The following NOMO1 variants were observed in gnomAD, a reference collection of about 807,000 sequenced individuals.
The protein encoded by NOMO1 is nodal modulator 3.
A neutral mutation model predicts 133.8 loss-of-function variants in NOMO1; 40 were observed. That is an observed-to-expected ratio of 0.30 (90% CI 0.23 to 0.39). The LOEUF (loss-of-function observed/expected upper bound fraction) is 0.39, where lower values mean the gene tolerates loss of function less well. Ranked by LOEUF, NOMO1 falls within the 10% of genes least tolerant of loss-of-function variation. The probability of loss-of-function intolerance (pLI) is 1.00; values close to 1 mark genes in which losing one functional copy is unlikely to be tolerated. For missense variants in NOMO1, 462 were observed against 1,419.9 expected, an observed-to-expected ratio of 0.33 and a Z score of 10.84; for synonymous variants, 236 against 570.5, an observed-to-expected ratio of 0.41 and a Z score of 8.36.
chr16:14,843,847 TTCAAAAAC>T (rs1233481852), intron 3 of NOMO1, among the ~76,000 whole-genome samples: 5 of 136,732 alleles, frequency 3.7e-5, no homozygotes, highest in African/African-American at 1.4e-4. Flanking sequence ...TTCCTAACCT[TTCAAAAAC>T]TCAACCTTAA....
Position 14,887,000 on chromosome 16 carries a change from G to T in NOMO1, c.3324+138G>T. The T allele has an allele frequency of 1.4e-5, 15 of 1,035,424 alleles. No individual in the cohort carries two copies. In the South Asian group the frequency reaches 2.3e-4, roughly 16 times the overall value. 64.1% of individuals were successfully genotyped at this position (1,035,424 alleles called of 1,614,324 possible). Reference sequence around the variant, plus strand: ...CGCTCTCTGAATCAAAAGAGGTTGGGTTCTGTAGGGATTATTTTTTCTTCA... The same window carrying T: ...CGCTCTCTGAATCAAAAGAGGTTGGTTTCTGTAGGGATTATTTTTTCTTCA... On this transcript the variant is annotated intron_variant, in intron 28 of 30. Transcript: ENST00000287667.
chr16:14,892,764 C>T (rs1964424935), intron 29 of NOMO1, among the ~76,000 whole-genome samples: 1 of 151,212 alleles, frequency 6.6e-6, no homozygotes, highest in Admixed American at 6.6e-5. Flanking sequence ...TGCCATTCCT[C>T]CCATTTTCAC....
chr16:14,878,715 C>T lies in NOMO1; in HGVS notation c.2644-6C>T. Reference sequence around the variant, plus strand: ...CCTTGCTCTGGTCTCACCTTCTCATCCCCAGATAAAAGCTGAGGATGACCA... The same window carrying T: ...CCTTGCTCTGGTCTCACCTTCTCATTCCCAGATAAAAGCTGAGGATGACCA... On this transcript the variant is annotated splice_region_variant and splice_polypyrimidine_tract_variant and intron_variant, in intron 22 of 30. Coordinates refer to ENST00000287667, the MANE Select transcript of NOMO1 (RefSeq NM_014287.4). 1 of 1,610,932 alleles carries T rather than the reference C, an allele frequency of 6.2e-7. No homozygotes were observed. The highest frequency in any genetic ancestry group is 8.5e-7 in the Non-Finnish European group (1 of 1,179,308).
chr16:14,856,906 G>A (rs541385205), intron 9 of NOMO1, among the ~76,000 whole-genome samples: 1 of 152,076 alleles, frequency 6.6e-6, no homozygotes, highest in South Asian at 2.1e-4. Flanking sequence ...ATCTGGAGGG[G>A]AGGAGATGGC....
chr16:14,870,775 GCTCCC>G (rs920008570), intron 16 of NOMO1, among the ~76,000 whole-genome samples: 1 of 146,612 alleles, frequency 6.8e-6, no homozygotes, highest in Admixed American at 6.9e-5. Flanking sequence ...GCTGTCAAAT[GCTCCC>G]CCTCTCTGTG....
chr16:14,859,741 T>A (rs1005649133), intron 11 of NOMO1, among the ~76,000 whole-genome samples: 17 of 152,142 alleles, frequency 1.1e-4, no homozygotes, highest in East Asian at 1.9e-4. Flanking sequence ...AACAAGATTT[T>A]AAAAAAAGAC....
At chr16:14,876,636 T>TG in intron 21 of NOMO1, 28 bp from the exon 22 acceptor site, 1 of 1,610,620 alleles carries the variant, frequency 6.2e-7, no homozygotes, top group Non-Finnish European at 8.5e-7. Flanking sequence ...ACAAAGCCGT[T>TG]GCTAGCATTC....
chr16:14,884,360 TTCTC>T lies in NOMO1; in HGVS notation c.3112-6_3112-3del, dbSNP rs1248713768. On this transcript the variant is annotated splice_polypyrimidine_tract_variant and splice_region_variant and intron_variant, in intron 26 of 30. Coordinates refer to ENST00000287667, the MANE Select transcript of NOMO1 (RefSeq NM_014287.4). Reference sequence around the variant, plus strand: ...CTTTCTCATTACTGGTATTCCCTCTTTCTCTCTCTAGGTTGGGAATAATGACATC... The same window carrying T: ...CTTTCTCATTACTGGTATTCCCTCTTTCTCTAGGTTGGGAATAATGACATC... 8.0e-6 allele frequency: 10 copies of T among 1,253,788 alleles called. No individual in the cohort carries two copies. The highest frequency in any genetic ancestry group is 2.8e-4 in the Middle Eastern group (1 of 3,618). 77.7% of individuals were successfully genotyped at this position (1,253,788 alleles called of 1,614,324 possible). A position where few individuals can be genotyped will look rare whatever the true frequency, so the allele number is the denominator to read the frequency against.
At chr16:14,893,672 A>G (rs1213289091) in intron 29 of NOMO1, among the ~76,000 whole-genome samples, 13 of 151,418 alleles carry the variant, frequency 8.6e-5, no homozygotes, top group Non-Finnish European at 1.6e-4. Flanking sequence ...CAGTTCTCGG[A>G]TGGGTTGGTT....
chr16:14,878,925 G>A (rs1185926143), intron 23 of NOMO1, 91 bp downstream of exon 23: 2 of 1,565,602 alleles, frequency 1.3e-6, no homozygotes, highest in Non-Finnish European at 1.8e-6. Flanking sequence ...TTGACAACGT[G>A]AGAAGAGAAA....
intron 27 of NOMO1, among the ~76,000 whole-genome samples, chr16:14,885,555 G>A (rs1338275253): frequency 6.6e-6 from 1 of 151,972 alleles, no homozygotes; most frequent in Non-Finnish European, 1.5e-5. Context: ...ATTTGGCATG[G>A]GTGAGAAAGT....
chr16:14,890,860 TTCA>T, intron 29 of NOMO1, among the ~76,000 whole-genome samples: 1 of 72,778 alleles, frequency 1.4e-5, no homozygotes, highest in Admixed American at 1.9e-4. Flanking sequence ...CACAGACACA[TTCA>T]GATCCTGGCA....
At chr16:14,854,321 C>T (rs1963802657) in intron 9 of NOMO1, among the ~76,000 whole-genome samples, 1 of 136,034 alleles carries the variant, frequency 7.4e-6, no homozygotes, top group African/African-American at 2.8e-5. Flanking sequence ...ATTCTTGTCC[C>T]TGTGGACCTC....
rs995376623 is a variant in NOMO1 at position 14,886,795 on chromosome 16, C to T, written c.3257C>T (p.Pro1086Leu). The T allele has an allele frequency of 6.2e-7, 1 of 1,611,694 alleles. No individual in the cohort carries two copies. Residue 1086 changes from proline (P) to leucine (L), a missense_variant, in exon 28 of 31, where the codon CCA (proline) becomes CTA (leucine). Physicochemically the swap from Pro to Leu is moderately conservative, Grantham distance 98. Coordinates refer to ENST00000287667, the MANE Select transcript of NOMO1 (RefSeq NM_014287.4). The part of the protein sequence containing the change: ...KLYKSENLDN[P>L]IQTVSLGQSL... The stretch of plus-strand genomic sequence containing the variant: ...TACAAAAGCGAAAACCTCGACAATC[C>T]AATCCAGACAGTTTCCCTTGGCCAG...
In NOMO1 at chr16:14,876,486, C is replaced by T. The variant is rs1801834612; in HGVS notation, c.2484C>T (p.Ile828=). Reference sequence around the variant, plus strand: ...AAAAGGGGGCAAGTTCACCGCTGATCACAGTCTTTACTGATGACAAAGGTG... The same window carrying T: ...AAAAGGGGGCAAGTTCACCGCTGATTACAGTCTTTACTGATGACAAAGGTG... ...ISEKGASSPL[I]TVFTDDKGAY... Residue 828 remains isoleucine (I), a synonymous_variant, in exon 21 of 31, where the codon ATC becomes ATT. Transcript: ENST00000287667. 3 of 1,611,484 alleles carry T rather than the reference C, an allele frequency of 1.9e-6. No individual in the cohort carries two copies. The South Asian group carries it at 3.3e-5, about 18-fold the overall frequency.
intron 26 of NOMO1, among the ~76,000 whole-genome samples, chr16:14,883,231 T>C (rs370797998): frequency 1.3e-4 from 19 of 151,024 alleles, no homozygotes; most frequent in African/African-American, 2.9e-4. Context: ...TTAGGTAGGG[T>C]AAGAGGGGCT....
At chr16:14,874,316 C>T (rs1194690099) in intron 18 of NOMO1, among the ~76,000 whole-genome samples, 1 of 151,854 alleles carries the variant, frequency 6.6e-6, no homozygotes, top group East Asian at 1.9e-4. Context: ...ATGACTCTTC[C>T]GTGGGCCCCT....
At chr16:14,839,265 A>G (rs1202776229) in intron 2 of NOMO1, among the ~76,000 whole-genome samples, 1 of 151,948 alleles carries the variant, frequency 6.6e-6, no homozygotes, top group Non-Finnish European at 1.5e-5. Context: ...CATGTTGGCC[A>G]GGCTGGTCTC....
chr16:14,834,016 G>A lies in NOMO1; in HGVS notation c.165G>A (p.Glu55=). The A allele has an allele frequency of 2.4e-6, 1 of 425,262 alleles. No individual in the cohort carries two copies. The highest frequency in any genetic ancestry group is 3.4e-6 in the Non-Finnish European group (1 of 295,448). 26.3% of individuals were successfully genotyped at this position (425,262 alleles called of 1,614,324 possible). A position where few individuals can be genotyped will look rare whatever the true frequency, so the allele number is the denominator to read the frequency against. The part of the protein sequence containing the change: ...SDVEINYSLI[E]IKLYTKHGTL... ...TGGAGATCAACTACTCTCTCATCGA[G>A]GTGAGCGCCCGCCCCGCCGCCCGGC... Residue 55 remains glutamate (E), a splice_region_variant and synonymous_variant, in exon 1 of 31, where the codon GAG becomes GAA. Coordinates refer to ENST00000287667, the MANE Select transcript of NOMO1 (RefSeq NM_014287.4).
Sources: allele counts gnomAD v4.1 joint callset (sites outside exome capture counted in the v4.1 genomes callset), GRCh38; gene constraint gnomAD v4.1.1; transcripts MANE v1.5; gene names NCBI Gene and HGNC (gene_info 2026-07-23, HGNC 2026-07-21).